DOCK7: variants seen among roughly 807,000 people sequenced by gnomAD.
DOCK7 encodes the protein dedicator of cytokinesis protein 7.
A neutral mutation model predicts 271.0 loss-of-function variants in DOCK7; 138 were observed. The ratio of observed to expected loss-of-function variants is 0.51; its 90% CI spans 0.44 to 0.59. DOCK7 has a LOEUF of 0.59. Among genes scored for constraint, DOCK7 ranks in the 20% least tolerant of loss-of-function variants. The pLI is 0.00. For missense variants in DOCK7, 2,066 were observed against 2,592.4 expected (o/e 0.80, Z 4.41); for synonymous variants, 823 against 876.1 (o/e 0.94, Z 1.07).
chr1:62,491,250 C>G (rs746223927), intron 41 of DOCK7, among the ~76,000 whole-genome samples: 3 of 152,156 alleles, frequency 2.0e-5, no homozygotes, highest in Admixed American at 1.3e-4. Context: ...TGGTGAAGAA[C>G]GAATCAATTC....
chr1:62,575,186 C>T (rs138537894), intron 18 of DOCK7, among the ~76,000 whole-genome samples: 12 of 152,286 alleles, frequency 7.9e-5, no homozygotes, highest in African/African-American at 2.9e-4. Flanking sequence ...GCCACTGCAT[C>T]CTGCTCTGGA....
rs1571375222 is a variant in DOCK7 at position 62,518,776 on chromosome 1, A to G, written c.3937-4878T>C. On this transcript the variant is annotated intron_variant, in intron 31 of 49. Coordinates refer to ENST00000635253, the MANE Select transcript of DOCK7 (RefSeq NM_001367561.1). The stretch of plus-strand genomic sequence containing the variant: ...CAACAACAAGAAGTCAATAAAAGAG[A>G]GAAAAAAAAAACTATAATGGGGTAA... Among the ~76,000 whole-genome samples the G allele has an allele frequency of 2.0e-5, 3 of 151,938 alleles. 1 individual carries two copies. The South Asian group carries it at 6.2e-4, about 32-fold the overall frequency.
At chr1:62,680,037 C>T (rs1389725255) in intron 1 of DOCK7, among the ~76,000 whole-genome samples, 1 of 152,226 alleles carries the variant, frequency 6.6e-6, no homozygotes, top group Non-Finnish European at 1.5e-5. Context: ...GAAAAAACTA[C>T]TTTAAAGTTC....
intron 1 of DOCK7, among the ~76,000 whole-genome samples, chr1:62,671,441 C>T (rs1270091666): frequency 6.6e-6 from 1 of 151,892 alleles, no homozygotes; most frequent in Non-Finnish European, 1.5e-5. Flanking sequence ...TCTTATTAAT[C>T]GTTATATCCT....
chr1:62,495,545 C>T (rs1306521470), intron 39 of DOCK7, 36 bp downstream of exon 39: 6 of 1,423,522 alleles, frequency 4.2e-6, no homozygotes, highest in South Asian at 1.4e-5. Flanking sequence ...TACTAAGTCC[C>T]TTATACAAAG....
chr1:62,623,786 T>A (rs1055899097), intron 12 of DOCK7, among the ~76,000 whole-genome samples: 5 of 152,206 alleles, frequency 3.3e-5, no homozygotes, highest in Admixed American at 6.5e-5. Context: ...CCAATACCAT[T>A]TGAGACATTT....
intron 31 of DOCK7, among the ~76,000 whole-genome samples, chr1:62,524,400 T>C (rs1482521592): frequency 3.3e-5 from 5 of 152,156 alleles, no homozygotes; most frequent in African/African-American, 1.2e-4. Flanking sequence ...TATATATGCA[T>C]GCAGGATATA....
At chr1:62,471,775 C>T (rs1645837663) in intron 48 of DOCK7, among the ~76,000 whole-genome samples, 1 of 151,994 alleles carries the variant, frequency 6.6e-6, no homozygotes, top group Non-Finnish European at 1.5e-5. Flanking sequence ...AACTTAAATT[C>T]CAGTATATTA....
intron 18 of DOCK7, among the ~76,000 whole-genome samples, chr1:62,562,524 T>G (rs956375251): frequency 3.3e-5 from 5 of 152,034 alleles, no homozygotes; most frequent in Non-Finnish European, 7.4e-5. Context: ...CGAAAACATT[T>G]TTTCAGAAGT....
intron 1 of DOCK7, among the ~76,000 whole-genome samples, chr1:62,672,072 A>C (rs1199073413): frequency 6.6e-6 from 1 of 152,122 alleles, no homozygotes; most frequent in Non-Finnish European, 1.5e-5. Context: ...AAAGAGGTGA[A>C]AATAAAAGGT....
At chr1:62,612,585 G>A (rs931524931) in intron 14 of DOCK7, among the ~76,000 whole-genome samples, 3 of 151,944 alleles carry the variant, frequency 2.0e-5, no homozygotes, top group Non-Finnish European at 2.9e-5. Flanking sequence ...TTACTTTTAG[G>A]TGTATTAATT....
intron 20 of DOCK7, among the ~76,000 whole-genome samples, chr1:62,556,293 A>G (rs1646139531): frequency 6.6e-6 from 1 of 152,174 alleles, no homozygotes; most frequent in Non-Finnish European, 1.5e-5. Context: ...AATACAAAGT[A>G]CATAAGAAAA....
intron 37 of DOCK7, among the ~76,000 whole-genome samples, chr1:62,498,235 T>TA (rs1461513383): frequency 1.3e-5 from 2 of 152,020 alleles, no homozygotes; most frequent in Non-Finnish European, 2.9e-5. Context: ...TCCCAAAATT[T>TA]AAAAAAAGTG....
At chr1:62,680,447 C>G (rs1027590839) in intron 1 of DOCK7, among the ~76,000 whole-genome samples, 3 of 151,548 alleles carry the variant, frequency 2.0e-5, no homozygotes, top group African/African-American at 7.3e-5. Flanking sequence ...AGAAGAAAAC[C>G]TAGGCAATAC....
At chr1:62,480,096 C>A (rs1646076803) in intron 43 of DOCK7, among the ~76,000 whole-genome samples, 2 of 152,174 alleles carry the variant, frequency 1.3e-5, no homozygotes, top group African/African-American at 4.8e-5. Context: ...GACTTGTTCC[C>A]TTTAGTTAAA....
intron 14 of DOCK7, among the ~76,000 whole-genome samples, chr1:62,592,522 A>C (rs538164587): frequency 1.3e-5 from 2 of 152,312 alleles, no homozygotes; most frequent in African/African-American, 4.8e-5. Flanking sequence ...AGAAAATGAC[A>C]AACTGAAAAA....
intron 28 of DOCK7, among the ~76,000 whole-genome samples, 163 bp from the exon 29 acceptor site, chr1:62,535,795 T>C (rs1421962933): frequency 2.6e-5 from 4 of 152,238 alleles, no homozygotes; most frequent in Admixed American, 6.5e-5. Context: ...CAGGAAACTA[T>C]GATGAGATTG....
intron 37 of DOCK7, among the ~76,000 whole-genome samples, chr1:62,501,583 G>C (rs1270718194): frequency 6.6e-6 from 1 of 152,068 alleles, no homozygotes; most frequent in Non-Finnish European, 1.5e-5. Flanking sequence ...TCATTAAAGG[G>C]AGTTAATAGA....
intron 14 of DOCK7, among the ~76,000 whole-genome samples, chr1:62,613,432 C>A (rs553243974): frequency 1.3e-5 from 2 of 151,974 alleles, no homozygotes; most frequent in Non-Finnish European, 2.9e-5. Flanking sequence ...TAGGGAGGCG[C>A]GGGGAACGAC....
Sources: allele counts gnomAD v4.1 joint callset (sites outside exome capture counted in the v4.1 genomes callset), GRCh38; gene constraint gnomAD v4.1.1; transcripts MANE v1.5; gene names NCBI Gene and HGNC (gene_info 2026-07-23, HGNC 2026-07-21).